Variants in ABHD2 observed in about 807,000 individuals in gnomAD.
ABHD2 encodes monoacylglycerol lipase ABHD2.
In ABHD2, 20 loss-of-function variants were observed where a neutral mutation model predicts 48.1. The ratio of observed to expected loss-of-function variants is 0.42; its 90% CI spans 0.29 to 0.60. The LOEUF (loss-of-function observed/expected upper bound fraction) is 0.60, where lower values mean the gene tolerates loss of function less well. ABHD2 is among the 20% of genes least tolerant of loss of function. The probability of loss-of-function intolerance (pLI) is 0.24; values close to 1 mark genes in which losing one functional copy is unlikely to be tolerated. For missense variants in ABHD2, 405 were observed against 550.9 expected, an observed-to-expected ratio of 0.74 and a Z score of 2.65; for synonymous variants, 209 against 214.2, an observed-to-expected ratio of 0.98 and a Z score of 0.21.
chr15:89,151,958 C>A lies in ABHD2; in HGVS notation c.370+106C>A. ...CTTGTGCCACTGACTCTGCCCATGG[C>A]ATCAGGGGCTGTTGGGAAGCCTGCT... On this transcript the variant is annotated intron_variant, in intron 4 of 10. Transcript: ENST00000352732. The surrounding 1 kb of genome is among the most constrained non-coding windows in gnomAD (Gnocchi z 4.7). The A allele has an allele frequency of 7.1e-7, 1 of 1,403,140 alleles. No individual in the cohort carries two copies. Among genetic ancestry groups the A allele is most frequent in the Non-Finnish European group, 9.6e-7 (1 of 1,039,042 alleles). The allele number at this position is 1,403,140 out of a possible 1,614,324, so 86.9% of individuals were successfully genotyped here. A position where few individuals can be genotyped will look rare whatever the true frequency, so the allele number is the denominator to read the frequency against.
At position 89,172,161 on chromosome 15, in the gene ABHD2, AC is replaced by A. The variant is rs372270454; in HGVS notation, c.539-3650del. ...TTTTAATTGTGATAAAATGTACATA[AC>A]AAAATTTCATCCTAACCATTTTTAA... On this transcript the variant is annotated intron_variant, in intron 5 of 10. Transcript: ENST00000352732. 4.0e-3 allele frequency among the ~76,000 whole-genome samples: 607 copies of A among 152,354 alleles called. 6 individuals carry two copies. The highest frequency in any genetic ancestry group is 0.014 in the African/African-American group (563 of 41,560).
At chr15:89,105,901 C>T (rs1231768652) in intron 1 of ABHD2, among the ~76,000 whole-genome samples, 1 of 151,836 alleles carries the variant, frequency 6.6e-6, no homozygotes, top group East Asian at 1.9e-4. Context: ...GGAGTTTCTC[C>T]ATGTCACACA....
At chr15:89,089,346 G>A (rs1243579011) in intron 1 of ABHD2, among the ~76,000 whole-genome samples, 1 of 152,196 alleles carries the variant, frequency 6.6e-6, no homozygotes, top group Non-Finnish European at 1.5e-5. Context: ...GAGTACTTCT[G>A]GGGGTCCATT....
chr15:89,162,800 T>C (rs2050782238), intron 5 of ABHD2, among the ~76,000 whole-genome samples: 1 of 152,190 alleles, frequency 6.6e-6, no homozygotes, highest in Admixed American at 6.5e-5. Flanking sequence ...TTTGTTTATA[T>C]GGCTATCATC....
chr15:89,163,388 G>A (rs959891731), intron 5 of ABHD2, among the ~76,000 whole-genome samples: 1 of 152,218 alleles, frequency 6.6e-6, no homozygotes, highest in African/African-American at 2.4e-5. Context: ...ATTCATTAAG[G>A]AAAATTCTTC....
intron 3 of ABHD2, among the ~76,000 whole-genome samples, chr15:89,149,384 T>G (rs2050553971): frequency 6.6e-6 from 1 of 152,206 alleles, no homozygotes; most frequent in Non-Finnish European, 1.5e-5. Flanking sequence ...TTTTTGTATA[T>G]TTTAAAAACA....
Position 89,143,835 on chromosome 15 carries a change from C to T in ABHD2, c.195-7842C>T, listed in dbSNP as rs149839492. ...AAAACCACCAAGAGATGCCACTTCACACCCACTAGGATAGCTATAGTAATT... is the reference window on the plus strand; with the variant it reads ...AAAACCACCAAGAGATGCCACTTCATACCCACTAGGATAGCTATAGTAATT... On this transcript the variant is annotated intron_variant, in intron 3 of 10. Coordinates refer to ENST00000352732, the MANE Select transcript of ABHD2 (RefSeq NM_152924.5). 7.7e-3 allele frequency among the ~76,000 whole-genome samples: 1,167 copies of T among 151,998 alleles called. 19 individuals carry two copies. Among genetic ancestry groups the T allele is most frequent in the African/African-American group, 0.027 (1,109 of 41,440 alleles).
At chr15:89,083,495 C>A (rs1038836013), upstream of ABHD2, among the ~76,000 whole-genome samples, 1 of 152,046 alleles carries the variant, frequency 6.6e-6, no homozygotes, top group African/African-American at 2.4e-5. This position sits in a 1 kb window ranked among gnomAD's most constrained non-coding sequence, Gnocchi z 5.1. Context: ...CGTGCACGTG[C>A]GTGTATGTGT....
the ABHD2 span, among the ~76,000 whole-genome samples, chr15:89,049,785 T>C: frequency 1.3e-5 from 2 of 152,218 alleles, no homozygotes; most frequent in East Asian, 3.8e-4. Flanking sequence ...CTGCGCCCAC[T>C]GTCTGGCACT....
In ABHD2 at chr15:89,151,283, G is replaced by A. The variant is rs987300421; in HGVS notation, c.195-394G>A. On this transcript the variant is annotated intron_variant, in intron 3 of 10. Transcript: ENST00000352732. This position sits in a 1 kb window ranked among gnomAD's most constrained non-coding sequence, Gnocchi z 4.7. ...AAGAAGAAGTGAGCTTTTAGTGAGTGTAGGCGCTATGCTATTTCATATACA... is the reference window on the plus strand; with the variant it reads ...AAGAAGAAGTGAGCTTTTAGTGAGTATAGGCGCTATGCTATTTCATATACA... Among the ~76,000 whole-genome samples the A allele has an allele frequency of 2.0e-5, 3 of 152,214 alleles. No homozygotes were observed. Among genetic ancestry groups the A allele is most frequent in the African/African-American group, 7.2e-5 (3 of 41,456 alleles).
chr15:89,159,833 A>G lies in ABHD2; in HGVS notation c.538+4299A>G, dbSNP rs531031628. ...TAGAAGTAAATTTCTGTAGTTTATT[A>G]TACTTTAGAAATGTTCTAGAAAGAC... On this transcript the variant is annotated intron_variant, in intron 5 of 10. Transcript: ENST00000352732. Among the ~76,000 whole-genome samples the G allele has an allele frequency of 1.1e-4, 16 of 152,252 alleles. 1 individual carries two copies. In the South Asian group the frequency reaches 3.1e-3, roughly 30 times the overall value.
In ABHD2 at chr15:89,169,765, A is replaced by AT. The variant is rs1299953815; in HGVS notation, c.539-6040dup. Among the ~76,000 whole-genome samples, 13 of 152,008 alleles carry AT rather than the reference A, an allele frequency of 8.6e-5. No individual in the cohort carries two copies. In the East Asian group the frequency reaches 1.7e-3, roughly 20 times the overall value. ...AAATGTAAACATCTTTTTTTCCCTTATTTTTTTGCTAGATTTTAAAACTGG... is the reference window on the plus strand; with the variant it reads ...AAATGTAAACATCTTTTTTTCCCTTATTTTTTTTGCTAGATTTTAAAACTGG... On this transcript the variant is annotated intron_variant, in intron 5 of 10. Coordinates refer to ENST00000352732, the MANE Select transcript of ABHD2 (RefSeq NM_152924.5).
At chr15:89,191,248 C>A in intron 9 of ABHD2, 99 bp downstream of exon 9, 3 of 1,241,546 alleles carry the variant, frequency 2.4e-6, no homozygotes, top group Non-Finnish European at 3.4e-6. Context: ...GGAAGCTCAG[C>A]TGGAATCTGG....
At chr15:89,111,946 T>G (rs1182202480) in intron 1 of ABHD2, among the ~76,000 whole-genome samples, 2 of 152,010 alleles carry the variant, frequency 1.3e-5, no homozygotes, top group African/African-American at 4.8e-5. Flanking sequence ...TTTATTTATA[T>G]ATATATATAT....
chr15:89,128,743 G>T (rs1455935673), intron 3 of ABHD2, among the ~76,000 whole-genome samples: 1 of 152,162 alleles, frequency 6.6e-6, no homozygotes, highest in Non-Finnish European at 1.5e-5. Flanking sequence ...CCACGATCTG[G>T]TGAGCTGAGA....
Position 89,195,571 on chromosome 15 carries a change from A to C in ABHD2, c.*148A>C. 2.5e-6 allele frequency: 2 copies of C among 788,002 alleles called. No individual in the cohort carries two copies. The highest frequency in any genetic ancestry group is 7.7e-4 in the Middle Eastern group (2 of 2,600). 48.8% of individuals were successfully genotyped at this position (788,002 alleles called of 1,614,324 possible). A position where few individuals can be genotyped will look rare whatever the true frequency, so the allele number is the denominator to read the frequency against. On this transcript the variant is annotated 3_prime_UTR_variant, in exon 11 of 11. Transcript: ENST00000352732. This position sits in a 1 kb window ranked among gnomAD's most constrained non-coding sequence, Gnocchi z 5.1. The stretch of plus-strand genomic sequence containing the variant: ...CACCCACCATGCACACCTGTCTCGG[A>C]GTAGGCAGCTCTTCCTGGGAGCTCC...
At chr15:89,192,837 C>T (rs978030338) in intron 9 of ABHD2, among the ~76,000 whole-genome samples, 3 of 152,248 alleles carry the variant, frequency 2.0e-5, no homozygotes, top group Non-Finnish European at 2.9e-5. Context: ...GCACGAACCA[C>T]TGTGCCCAGC....
the ABHD2 span, among the ~76,000 whole-genome samples, chr15:89,050,289 G>A: frequency 5.3e-5 from 8 of 152,104 alleles, no homozygotes; most frequent in African/African-American, 1.4e-4. Flanking sequence ...GGAATTTGCC[G>A]AGACTCTGGG....
At chr15:89,042,304 A>G in the ABHD2 span, among the ~76,000 whole-genome samples, 16 of 152,290 alleles carry the variant, frequency 1.1e-4, no homozygotes, top group African/African-American at 3.9e-4. Flanking sequence ...CACCTTCTCC[A>G]TAACACTATA....
Sources: gnomAD v4.1 joint callset for allele counts (sites outside exome capture counted in the v4.1 genomes callset) on GRCh38, gnomAD v4.1.1 for gene constraint, Gnocchi (gnomAD v3.1) non-coding constraint, MANE v1.5 for transcripts, NCBI Gene and HGNC (gene_info 2026-07-23, HGNC 2026-07-21) for gene names.